SPOCK3: variants seen among roughly 807,000 people sequenced by gnomAD.
SPOCK3 encodes testican-3.
In SPOCK3, 30 loss-of-function variants were observed where a neutral mutation model predicts 56.6. The ratio of observed to expected loss-of-function variants is 0.53; its 90% CI spans 0.40 to 0.72. SPOCK3 has a LOEUF of 0.72. SPOCK3 is among the 30% of genes least tolerant of loss of function. The pLI is 0.00. For synonymous variants in SPOCK3, 196 were observed against 183.3 expected, an observed-to-expected ratio of 1.07 and a Z score of -0.56; for missense variants, 527 against 530.0, an observed-to-expected ratio of 0.99 and a Z score of 0.06.
chr4:167,136,388 T>C (rs962584811), intron 2 of SPOCK3, among the ~76,000 whole-genome samples: 9 of 152,064 alleles, frequency 5.9e-5, no homozygotes, highest in African/African-American at 1.9e-4. Context: ...TTGGGCTGTG[T>C]ACAACAATAA....
chr4:166,865,836 A>G (rs551710485), intron 6 of SPOCK3, among the ~76,000 whole-genome samples: 2 of 152,244 alleles, frequency 1.3e-5, no homozygotes, highest in African/African-American at 4.8e-5. Context: ...AATCAATATC[A>G]TGAAAATGGC....
intron 6 of SPOCK3, among the ~76,000 whole-genome samples, chr4:166,804,764 A>G (rs910727055): frequency 6.6e-6 from 1 of 152,088 alleles, no homozygotes; most frequent in Non-Finnish European, 1.5e-5. Flanking sequence ...GCAATTGATG[A>G]TGCTATGTCT....
chr4:166,918,453 T>C (rs1423103770), intron 4 of SPOCK3: 3 of 151,788 alleles, frequency 2.0e-5, no homozygotes, highest in Non-Finnish European at 4.4e-5. Flanking sequence ...TCAGAAGAGG[T>C]CAGATAGGTT....
At chr4:166,780,834 A>G (rs897637179) in intron 7 of SPOCK3, among the ~76,000 whole-genome samples, 8 of 152,130 alleles carry the variant, frequency 5.3e-5, no homozygotes, top group African/African-American at 1.9e-4. Flanking sequence ...CCTTCTATCA[A>G]TGGTGGAGGG....
intron 2 of SPOCK3, among the ~76,000 whole-genome samples, chr4:167,201,461 A>G (rs1692760664): frequency 6.6e-6 from 1 of 151,960 alleles, no homozygotes; most frequent in Admixed American, 6.6e-5. Context: ...CATCCTTAAT[A>G]TATCTAATGC....
intron 3 of SPOCK3, 87 bp downstream of exon 3, chr4:167,062,405 G>T: frequency 9.8e-7 from 1 of 1,016,200 alleles, no homozygotes; most frequent in Non-Finnish European, 1.5e-6. Context: ...GTATTTTCAA[G>T]CCTAACCAGA....
intron 5 of SPOCK3, among the ~76,000 whole-genome samples, chr4:166,892,751 T>C (rs1340844679): frequency 6.6e-6 from 1 of 152,074 alleles, no homozygotes; most frequent in Middle Eastern, 3.2e-3. Flanking sequence ...TCACTTAAGT[T>C]ACGAGTTCTT....
intron 7 of SPOCK3, among the ~76,000 whole-genome samples, chr4:166,780,397 T>C (rs556459613): frequency 1.3e-5 from 2 of 152,198 alleles, no homozygotes; most frequent in South Asian, 4.2e-4. Context: ...CTCCAGGATC[T>C]CAGTGTGTGC....
chr4:167,108,888 G>A (rs1760427647), intron 2 of SPOCK3, among the ~76,000 whole-genome samples: 1 of 140,370 alleles, frequency 7.1e-6, no homozygotes, highest in Non-Finnish European at 1.5e-5. Flanking sequence ...ATTTTACTTT[G>A]CATTTCTGTA....
At chr4:167,190,556 T>C (rs1299952383) in intron 2 of SPOCK3, among the ~76,000 whole-genome samples, 1 of 146,272 alleles carries the variant, frequency 6.8e-6, no homozygotes, top group East Asian at 2.1e-4. Flanking sequence ...ATAGTTTACA[T>C]AGGTTGCCTT....
intron 6 of SPOCK3, among the ~76,000 whole-genome samples, chr4:166,835,938 G>A (rs1235193103): frequency 2.0e-5 from 3 of 152,128 alleles, no homozygotes; most frequent in South Asian, 2.1e-4. Flanking sequence ...CCTGGGAAGT[G>A]GAGGTTGCAG....
chr4:167,223,137 A>AT lies in SPOCK3; in HGVS notation c.189+10847dup, dbSNP rs1180064275. 2.7e-4 allele frequency among the ~76,000 whole-genome samples: 32 copies of AT among 116,458 alleles called. 1 individual carries two copies. Among genetic ancestry groups the AT allele is most frequent in the African/African-American group, 1.1e-3 (28 of 25,884 alleles). 76.4% of individuals were successfully genotyped at this position (116,458 alleles called of 152,430 possible). ...ATATATATTTTATATATGAATATATATTTTATATATGAATATATATTTTAT... is the reference window on the plus strand; with the variant it reads ...ATATATATTTTATATATGAATATATATTTTTATATATGAATATATATTTTAT... On this transcript the variant is annotated intron_variant, in intron 2 of 10. Transcript: ENST00000357545.
intron 4 of SPOCK3, among the ~76,000 whole-genome samples, chr4:166,938,475 A>C (rs1273743100): frequency 6.6e-6 from 1 of 152,172 alleles, no homozygotes. Context: ...CTGGTAAAAA[A>C]AATGTTTAGT....
At chr4:166,997,737 T>C (rs1256485693) in intron 4 of SPOCK3, among the ~76,000 whole-genome samples, 1 of 152,112 alleles carries the variant, frequency 6.6e-6, no homozygotes, top group Non-Finnish European at 1.5e-5. Flanking sequence ...TCTAAAGCAA[T>C]GGAGAAATGA....
At chr4:167,093,934 T>A (rs1758926261) in intron 2 of SPOCK3, among the ~76,000 whole-genome samples, 1 of 152,198 alleles carries the variant, frequency 6.6e-6, no homozygotes, top group Non-Finnish European at 1.5e-5. Context: ...TCTTCCAAAC[T>A]TATGTGCCTT....
chr4:166,918,971 A>C (rs1420911387), intron 4 of SPOCK3, among the ~76,000 whole-genome samples: 1 of 152,028 alleles, frequency 6.6e-6, no homozygotes, highest in Admixed American at 6.6e-5. Context: ...ATCTCTGCAC[A>C]CCCCAGATCC....
chr4:167,205,304 A>AT (rs1224539102), intron 2 of SPOCK3, among the ~76,000 whole-genome samples: 1 of 44,712 alleles, frequency 2.2e-5, no homozygotes, highest in African/African-American at 7.9e-5. Flanking sequence ...TCTATAATAT[A>AT]TATTATATAT....
intron 3 of SPOCK3, among the ~76,000 whole-genome samples, chr4:167,017,443 C>A (rs565999085): frequency 2.0e-4 from 30 of 152,226 alleles, no homozygotes; most frequent in African/African-American, 6.7e-4. Flanking sequence ...ATTCTCCAGA[C>A]TGAAGTGATC....
chr4:166,848,200 C>T (rs778499568), intron 6 of SPOCK3, among the ~76,000 whole-genome samples: 1 of 152,158 alleles, frequency 6.6e-6, no homozygotes, highest in Non-Finnish European at 1.5e-5. Flanking sequence ...TTGCAAGTTA[C>T]TTACAAACTG....
Sources: allele counts gnomAD v4.1 joint callset (sites outside exome capture counted in the v4.1 genomes callset), GRCh38; gene constraint gnomAD v4.1.1; transcripts MANE v1.5; gene names NCBI Gene and HGNC (gene_info 2026-07-23, HGNC 2026-07-21).